The following PXDNL variants were observed in gnomAD, a reference collection of about 807,000 sequenced individuals.
PXDNL encodes peroxidasin like, also known as probable oxidoreductase PXDNL.
A neutral mutation model predicts 150.8 loss-of-function variants in PXDNL; 145 were observed. The ratio of observed to expected loss-of-function variants is 0.96; its 90% CI spans 0.84 to 1.10. PXDNL has a LOEUF of 1.10. Ranked by LOEUF, PXDNL falls within the 50% of genes least tolerant of loss-of-function variation. PXDNL has a pLI of 0.00. For missense variants in PXDNL, 2,087 were observed against 1,873.9 expected (o/e 1.11, Z -2.10); for synonymous variants, 757 against 725.7 (o/e 1.04, Z -0.69).
chr8:51,689,304 C>A (rs1815939770), intron 1 of PXDNL, among the ~76,000 whole-genome samples: 1 of 146,374 alleles, frequency 6.8e-6, no homozygotes, highest in Non-Finnish European at 1.5e-5. Context: ...AACTTATGGG[C>A]CATCTCAGAC....
At chr8:51,514,924 T>C (rs1391150787) in intron 4 of PXDNL, among the ~76,000 whole-genome samples, 1 of 152,200 alleles carries the variant, frequency 6.6e-6, no homozygotes, top group Non-Finnish European at 1.5e-5. Context: ...TTTCATAACA[T>C]ACACATTGGA....
chr8:51,374,631 C>T lies in PXDNL; in HGVS notation c.3658G>A (p.Val1220Ile), dbSNP rs1423354804. The T allele has an allele frequency of 7.4e-6, 12 of 1,613,868 alleles. No homozygotes were observed. The highest frequency in any genetic ancestry group is 1.3e-5 in the African/African-American group (1 of 74,990). Residue 1220 changes from valine (V) to isoleucine (I), a missense_variant, in exon 18 of 23, where the codon GTT (valine) becomes ATT (isoleucine). Val to Ile is a conservative substitution (Grantham distance 29, BLOSUM62 3). Coordinates refer to ENST00000356297, the MANE Select transcript of PXDNL (RefSeq NM_144651.5). Reference sequence around the variant, plus strand: ...TCTCTTAGCCGCTGAAACTGGGTAACAAACAGGCACATAAGTGTTGGTCCC... The same window carrying T: ...TCTCTTAGCCGCTGAAACTGGGTAATAAACAGGCACATAAGTGTTGGTCCC... ...RVGPTLMCLF[V>I]TQFQRLRDGD...
Position 51,809,355 on chromosome 8 carries a change from G to C in PXDNL, c.-11C>G. Reference sequence around the variant, plus strand: ...CAGTCTGGGCTCCATCGCTCCATTCGCTGCTGGCCACGCGAAGAAGCAGCC... The same window carrying C: ...CAGTCTGGGCTCCATCGCTCCATTCCCTGCTGGCCACGCGAAGAAGCAGCC... On this transcript the variant is annotated 5_prime_UTR_variant, in exon 1 of 23. Coordinates refer to ENST00000356297, the MANE Select transcript of PXDNL (RefSeq NM_144651.5). 6.6e-7 allele frequency: 1 copy of C among 1,519,746 alleles called. No individual in the cohort carries two copies. The highest frequency in any genetic ancestry group is 8.8e-7 in the Non-Finnish European group (1 of 1,134,212). The allele number at this position is 1,519,746 out of a possible 1,614,324, so 94.1% of individuals were successfully genotyped here.
chr8:51,323,722 G>A (rs747623153), intron 21 of PXDNL, among the ~76,000 whole-genome samples: 7 of 151,862 alleles, frequency 4.6e-5, no homozygotes, highest in South Asian at 2.1e-4. Flanking sequence ...AAGACCAGCC[G>A]GGTCAACATG....
rs186158700 is a variant in PXDNL, at chr8:51,336,860, G to A, written c.4146+2764C>T. On this transcript the variant is annotated intron_variant, in intron 21 of 22. Transcript: ENST00000356297. ...CTGGTCATAGCTTGAGTAAGTCTCT[G>A]ACCTCTATAAGAGATCACAGGACCT... is the stretch of plus-strand genomic sequence containing the variant. Among the ~76,000 whole-genome samples the A allele has an allele frequency of 2.0e-5, 3 of 152,224 alleles. No homozygotes were observed. The East Asian group carries it at 5.8e-4, about 29-fold the overall frequency.
rs571237015 is a variant in PXDNL, at chr8:51,647,740, TATAATATAAGGATC to T, written c.236+6935_236+6948del. ...TTCTCTGTGCATCAGTGTCCTCAGC[TATAATATAAGGATC>T]ATGATAGTGCTTCATGGGCTTTATT... On this transcript the variant is annotated intron_variant, in intron 2 of 22. Coordinates refer to ENST00000356297, the MANE Select transcript of PXDNL (RefSeq NM_144651.5). 4.2e-3 allele frequency among the ~76,000 whole-genome samples: 639 copies of T among 152,314 alleles called. 3 individuals carry two copies. Among genetic ancestry groups the T allele is most frequent in the African/African-American group, 0.015 (612 of 41,576 alleles).
chr8:51,618,113 G>A (rs564881368), intron 2 of PXDNL, among the ~76,000 whole-genome samples: 4 of 152,356 alleles, frequency 2.6e-5, no homozygotes, highest in South Asian at 2.1e-4. Flanking sequence ...GCCCCCAGGC[G>A]CTACCTCGCC....
intron 4 of PXDNL, among the ~76,000 whole-genome samples, chr8:51,535,181 G>T (rs1447756051): frequency 2.9e-5 from 4 of 137,820 alleles, no homozygotes; most frequent in Non-Finnish European, 4.5e-5. Flanking sequence ...GAAGTGAGGA[G>T]CCTCTCTGCC....
chr8:51,446,410 A>T (rs1269910407), intron 12 of PXDNL, among the ~76,000 whole-genome samples: 1 of 152,224 alleles, frequency 6.6e-6, no homozygotes, highest in Non-Finnish European at 1.5e-5. Context: ...CTAAGAAAAA[A>T]TTTCAGCAGT....
At chr8:51,778,981 T>G (rs1186659749) in intron 1 of PXDNL, among the ~76,000 whole-genome samples, 1 of 152,240 alleles carries the variant, frequency 6.6e-6, no homozygotes, top group Admixed American at 6.5e-5. Flanking sequence ...GACTTTTCAC[T>G]GGATCTTGAC....
At chr8:51,759,921 A>G (rs1451996063) in intron 1 of PXDNL, among the ~76,000 whole-genome samples, 1 of 152,158 alleles carries the variant, frequency 6.6e-6, no homozygotes, top group African/African-American at 2.4e-5. Context: ...TGCTGACCTC[A>G]GCCGCCCCAA....
In PXDNL at chr8:51,588,770, G is replaced by T. The variant is rs529832222; in HGVS notation, c.308+3857C>A. Among the ~76,000 whole-genome samples the T allele has an allele frequency of 2.0e-5, 3 of 152,276 alleles. No individual in the cohort carries two copies. The South Asian group carries it at 6.2e-4, about 32-fold the overall frequency. On this transcript the variant is annotated intron_variant, in intron 3 of 22. Transcript: ENST00000356297. ...ACATGCCCATGAGTAGAGAACTACA[G>T]AGCAGGATTGAGATGAAACACAGGG...
At chr8:51,621,448 C>CTGTG (rs10531050) in intron 2 of PXDNL, among the ~76,000 whole-genome samples, 3,161 of 142,232 alleles carry the variant, frequency 0.022, 59 homozygotes, top group Non-Finnish European at 0.025. Flanking sequence ...GTGTGTGTGT[C>CTGTG]TGTGTGTGTG....
At chr8:51,411,152 T>G in intron 16 of PXDNL, 98 bp downstream of exon 16, 21 of 1,021,190 alleles carry the variant, frequency 2.1e-5, no homozygotes, top group South Asian at 3.6e-5. Flanking sequence ...CTAAATCCCA[T>G]GATATTCTGG....
At chr8:51,644,416 A>G (rs1471248082) in intron 2 of PXDNL, among the ~76,000 whole-genome samples, 29 of 50,828 alleles carry the variant, frequency 5.7e-4, no homozygotes, top group Admixed American at 2.1e-3. Flanking sequence ...ATGTGTGTGT[A>G]TATATATACA....
At chr8:51,490,663 T>A (rs1385182484) in intron 5 of PXDNL, among the ~76,000 whole-genome samples, 1 of 149,784 alleles carries the variant, frequency 6.7e-6, no homozygotes, top group Non-Finnish European at 1.5e-5. Flanking sequence ...TATACACATA[T>A]ATACATATAT....
At chr8:51,339,114 CT>C (rs1805915480) in intron 21 of PXDNL, among the ~76,000 whole-genome samples, 1 of 152,182 alleles carries the variant, frequency 6.6e-6, no homozygotes, top group African/African-American at 2.4e-5. Flanking sequence ...AGCTCTCTGC[CT>C]GTTTGTAGTG....
intron 2 of PXDNL, among the ~76,000 whole-genome samples, chr8:51,642,491 G>A (rs748718167): frequency 2.0e-5 from 3 of 152,084 alleles, no homozygotes; most frequent in Non-Finnish European, 4.4e-5. Context: ...AAATTCAACA[G>A]CCCTTCAGGC....
chr8:51,446,180 C>G (rs963235570), intron 12 of PXDNL, among the ~76,000 whole-genome samples: 1 of 152,236 alleles, frequency 6.6e-6, no homozygotes, highest in Non-Finnish European at 1.5e-5. Context: ...CTTCTTCTCA[C>G]ACCTACGTTG....
Sources: gnomAD v4.1 joint callset for allele counts (sites outside exome capture counted in the v4.1 genomes callset) on GRCh38, gnomAD v4.1.1 for gene constraint, MANE v1.5 for transcripts, NCBI Gene and HGNC (gene_info 2026-07-23, HGNC 2026-07-21) for gene names.